Variants in PFKFB3 observed in about 807,000 individuals in gnomAD.
PFKFB3 encodes 6-phosphofructo-2-kinase/fructose-2,6-biphosphatase 3.
A neutral mutation model predicts 68.0 loss-of-function variants in PFKFB3; 33 were observed. The ratio of observed to expected loss-of-function variants is 0.49; its 90% CI spans 0.37 to 0.65. The LOEUF is 0.65. PFKFB3 is among the 30% of genes least tolerant of loss of function. PFKFB3 has a pLI of 0.00. For synonymous variants in PFKFB3, 315 were observed against 288.2 expected (o/e 1.09, Z -0.94); for missense variants, 586 against 712.2 (o/e 0.82, Z 2.02).
chr10:6,244,469 C>A (rs902943960), intron 14 of PFKFB3, among the ~76,000 whole-genome samples: 1 of 152,106 alleles, frequency 6.6e-6, no homozygotes, highest in East Asian at 1.9e-4. Flanking sequence ...TATTCCAATT[C>A]GGGGCAGGCC....
At chr10:6,263,847 A>G in the PFKFB3 span, among the ~76,000 whole-genome samples, 1 of 152,292 alleles carries the variant, frequency 6.6e-6, no homozygotes, top group Admixed American at 6.5e-5. Context: ...CACCATGCCC[A>G]GCTAATTTTT....
chr10:6,154,125 A>G lies in PFKFB3; in HGVS notation c.16+9112A>G, dbSNP rs10905910. 0.97 allele frequency among the ~76,000 whole-genome samples: 147,205 copies of G among 152,252 alleles called. 71,366 individuals are homozygous for G. Among genetic ancestry groups the G allele is most frequent in the East Asian group, 1 (5,184 of 5,184 alleles). On this transcript the variant is annotated intron_variant, in intron 1 of 14. Coordinates refer to the PFKFB3 transcript ENST00000379789. This position sits in a 1 kb window ranked among gnomAD's most constrained non-coding sequence, Gnocchi z 4.6. ...GTGAGAGGGTGGAAGCCAGGTGGAC[A>G]CAGGCTTAGGAAGGGAGTGGCGGCT...
chr10:6,263,798 G>A, the PFKFB3 span, among the ~76,000 whole-genome samples: 512 of 152,312 alleles, frequency 3.4e-3, 3 homozygotes, highest in Middle Eastern at 0.017. Flanking sequence ...CGATTCTCGT[G>A]CCTTGGCCTC....
At chr10:6,170,597 A>G (rs1842277780) in intron 1 of PFKFB3, among the ~76,000 whole-genome samples, 1 of 152,224 alleles carries the variant, frequency 6.6e-6, no homozygotes, top group Admixed American at 6.5e-5. Context: ...ACAAAAATCC[A>G]TGGGGTCATT....
chr10:6,247,598 T>C (rs1192228937), intron 14 of PFKFB3, among the ~76,000 whole-genome samples: 1 of 152,162 alleles, frequency 6.6e-6, no homozygotes, highest in Non-Finnish European at 1.5e-5. Context: ...CCTGTCCCAT[T>C]CCACTGTGAA....
At chr10:6,298,558 G>T in the PFKFB3 span, among the ~76,000 whole-genome samples, 1 of 152,060 alleles carries the variant, frequency 6.6e-6, no homozygotes, top group Non-Finnish European at 1.5e-5. Context: ...CAGAGATGGG[G>T]TCTTGCTATG....
chr10:6,161,948 A>T (rs1841986671), intron 1 of PFKFB3, among the ~76,000 whole-genome samples: 1 of 152,144 alleles, frequency 6.6e-6, no homozygotes, highest in African/African-American at 2.4e-5. Flanking sequence ...AGTGGTGTTA[A>T]ATATATTCAG....
intron 1 of PFKFB3, among the ~76,000 whole-genome samples, chr10:6,189,554 A>G (rs1294962163): frequency 7.3e-6 from 1 of 137,088 alleles, no homozygotes; most frequent in Non-Finnish European, 1.5e-5. Context: ...TCGCTCTGTC[A>G]CCCAGGCTGG....
chr10:6,285,645 C>T, the PFKFB3 span, among the ~76,000 whole-genome samples: 11 of 152,318 alleles, frequency 7.2e-5, no homozygotes, highest in East Asian at 1.5e-3. Flanking sequence ...CAATGTTATG[C>T]AGAAGATCTC....
the PFKFB3 span, among the ~76,000 whole-genome samples, chr10:6,290,773 G>C: frequency 7.9e-5 from 12 of 151,994 alleles, no homozygotes; most frequent in African/African-American, 2.7e-4. Context: ...CAGAGTGTTG[G>C]GATTACAGGC....
At chr10:6,297,618 G>T in the PFKFB3 span, among the ~76,000 whole-genome samples, 1 of 152,182 alleles carries the variant, frequency 6.6e-6, no homozygotes, top group East Asian at 1.9e-4. Context: ...GTCCCCATGA[G>T]GGGTACGTGG....
intron 1 of PFKFB3, among the ~76,000 whole-genome samples, chr10:6,147,242 AT>A (rs529179230): frequency 1.6e-4 from 25 of 152,306 alleles, no homozygotes; most frequent in African/African-American, 6.0e-4. Flanking sequence ...ACTCTTCTGT[AT>A]TTTTTGACCT....
chr10:6,171,797 G>A (rs1489765325), intron 1 of PFKFB3, among the ~76,000 whole-genome samples: 1 of 152,266 alleles, frequency 6.6e-6, no homozygotes, highest in Non-Finnish European at 1.5e-5. Flanking sequence ...GGGTAGAAAA[G>A]TTTGGATATC....
At chr10:6,180,448 C>T (rs1163840521) in intron 1 of PFKFB3, among the ~76,000 whole-genome samples, 2 of 152,082 alleles carry the variant, frequency 1.3e-5, no homozygotes, top group East Asian at 1.9e-4. Context: ...TTTTTCTTTT[C>T]TTTCCTTTGG....
At chr10:6,326,241 C>T in the PFKFB3 span, among the ~76,000 whole-genome samples, 104 of 152,066 alleles carry the variant, frequency 6.8e-4, no homozygotes, top group South Asian at 2.1e-4. Flanking sequence ...AATGAGAACC[C>T]GTGGACACAG....
intron 1 of PFKFB3, among the ~76,000 whole-genome samples, chr10:6,186,321 G>A (rs1201284564): frequency 6.6e-6 from 1 of 152,148 alleles, no homozygotes; most frequent in Non-Finnish European, 1.5e-5. Flanking sequence ...CCTCAGCAAA[G>A]GGGTAGATGG....
upstream of PFKFB3, among the ~76,000 whole-genome samples, chr10:6,200,666 GGGGGGGGGGC>G (rs1843312163): frequency 2.2e-5 from 3 of 133,828 alleles, no homozygotes; most frequent in African/African-American, 5.4e-5. Context: ...GAGCGGGGGG[GGGGGGGGGGC>G]GGGGGGTGGT....
At position 6,228,439 on chromosome 10, in the gene PFKFB3, G is replaced by A; in HGVS notation, c.1515+2074G>A. 1.6e-6 allele frequency: 1 copy of A among 627,658 alleles called. No homozygotes were observed. The highest frequency in any genetic ancestry group is 2.9e-6 in the Non-Finnish European group (1 of 346,750). The allele number at this position is 627,658 out of a possible 1,614,324, so 38.9% of individuals were successfully genotyped here. Reference sequence around the variant, plus strand: ...TGGTGGCTGCACTACTGTTGGGTGTGTTCCGACACCGCCGCACGACCGCTG... The same window carrying A: ...TGGTGGCTGCACTACTGTTGGGTGTATTCCGACACCGCCGCACGACCGCTG... On this transcript the variant is annotated intron_variant, in intron 14 of 14. Coordinates refer to ENST00000379775, the MANE Select transcript of PFKFB3 (RefSeq NM_004566.4). The surrounding 1 kb of genome is among the most constrained non-coding windows in gnomAD (Gnocchi z 4.5).
At chr10:6,179,584 G>A (rs570033462) in intron 1 of PFKFB3, among the ~76,000 whole-genome samples, 7 of 152,292 alleles carry the variant, frequency 4.6e-5, no homozygotes, top group South Asian at 2.1e-4. Flanking sequence ...CTGTCCATGG[G>A]GGTCGTCGAA....
Sources: gnomAD v4.1 joint callset for allele counts (sites outside exome capture counted in the v4.1 genomes callset) on GRCh38, gnomAD v4.1.1 for gene constraint, Gnocchi (gnomAD v3.1) non-coding constraint, MANE v1.5 for transcripts, NCBI Gene and HGNC (gene_info 2026-07-23, HGNC 2026-07-21) for gene names.